The following IMMP2L variants were observed in gnomAD, a reference collection of about 807,000 sequenced individuals.
IMMP2L encodes the protein mitochondrial inner membrane protease subunit 2.
Under a neutral mutation model 19.3 loss-of-function variants are expected in IMMP2L, and 18 were observed. That is an observed-to-expected ratio of 0.93 (90% confidence interval 0.64 to 1.38). IMMP2L has a LOEUF of 1.38. Among genes scored for constraint, IMMP2L ranks in the 40% most tolerant of loss-of-function variants. The pLI, the probability that IMMP2L is intolerant of heterozygous loss-of-function variation, is 0.00. For missense variants in IMMP2L, 233 were observed against 218.2 expected (o/e 1.07, Z -0.43); for synonymous variants, 76 against 73.0 (o/e 1.04, Z -0.21).
At chr7:110,857,623 C>T (rs1337291263) in intron 5 of IMMP2L, among the ~76,000 whole-genome samples, 1 of 152,036 alleles carries the variant, frequency 6.6e-6, no homozygotes, top group East Asian at 1.9e-4. Context: ...GCTCAACAAT[C>T]TGTATTTTTA....
At chr7:110,676,255 G>A (rs1018278403) in intron 5 of IMMP2L, among the ~76,000 whole-genome samples, 5 of 152,214 alleles carry the variant, frequency 3.3e-5, no homozygotes, top group African/African-American at 1.2e-4. Context: ...AAATAGTTTA[G>A]GCTTACAGGC....
intron 5 of IMMP2L, among the ~76,000 whole-genome samples, chr7:110,836,610 G>T (rs1177136575): frequency 6.6e-6 from 1 of 152,062 alleles, no homozygotes; most frequent in East Asian, 1.9e-4. Flanking sequence ...TAAATTGCCA[G>T]TCTTGGGTAT....
At chr7:111,540,820 A>G (rs908990391) in intron 1 of IMMP2L, among the ~76,000 whole-genome samples, 4 of 151,586 alleles carry the variant, frequency 2.6e-5, no homozygotes, top group South Asian at 2.1e-4. Context: ...CCCGTTTACA[A>G]TGTTGATAGT....
chr7:110,732,926 T>C (rs983566606), intron 5 of IMMP2L, among the ~76,000 whole-genome samples: 3 of 151,972 alleles, frequency 2.0e-5, no homozygotes, highest in African/African-American at 7.2e-5. Context: ...GCTAGGACTA[T>C]AGGCACCTAC....
intron 3 of IMMP2L, among the ~76,000 whole-genome samples, chr7:111,420,190 C>T (rs1444453792): frequency 1.3e-5 from 2 of 151,738 alleles, no homozygotes; most frequent in Non-Finnish European, 2.9e-5. Flanking sequence ...TTGAAAAGTG[C>T]TTCATTATAA....
intron 3 of IMMP2L, among the ~76,000 whole-genome samples, chr7:111,285,992 A>G (rs1820439279): frequency 6.6e-6 from 1 of 152,204 alleles, no homozygotes; most frequent in Non-Finnish European, 1.5e-5. Context: ...AAGAAGGTTC[A>G]ATCAAAGCTT....
intron 5 of IMMP2L, among the ~76,000 whole-genome samples, chr7:110,776,481 G>A (rs1799396343): frequency 6.6e-6 from 1 of 151,980 alleles, no homozygotes. Context: ...CACCTGAGCA[G>A]AGCAGAAGGC....
chr7:111,402,155 ATAATAATAATAATAATAT>A (rs1031700987), intron 3 of IMMP2L, among the ~76,000 whole-genome samples: 1 of 141,750 alleles, frequency 7.1e-6, no homozygotes, highest in Non-Finnish European at 1.5e-5. Flanking sequence ...AATAATAATA[ATAATAATAATAATAATAT>A]TAAGTTAGGA....
At chr7:110,814,274 T>C (rs1291853008) in intron 5 of IMMP2L, among the ~76,000 whole-genome samples, 1 of 151,918 alleles carries the variant, frequency 6.6e-6, no homozygotes, top group Non-Finnish European at 1.5e-5. Flanking sequence ...CATTTTAAGG[T>C]AGCAAAATCA....
At chr7:111,238,191 G>A (rs2129627882) in intron 3 of IMMP2L, among the ~76,000 whole-genome samples, 1 of 152,108 alleles carries the variant, frequency 6.6e-6, no homozygotes, top group African/African-American at 2.4e-5. Context: ...TAAAGTTGGA[G>A]TAATCAGAAA....
intron 4 of IMMP2L, among the ~76,000 whole-genome samples, chr7:110,894,501 G>A (rs371428638): frequency 4.6e-5 from 7 of 152,124 alleles, no homozygotes; most frequent in African/African-American, 1.4e-4. Context: ...CATGTTATCT[G>A]TCATTTGCAC....
chr7:110,951,269 T>A (rs1817808439), intron 4 of IMMP2L, among the ~76,000 whole-genome samples: 1 of 150,828 alleles, frequency 6.6e-6, no homozygotes, highest in Admixed American at 6.6e-5. Context: ...AGATCTCATA[T>A]AAAGTATTGA....
At chr7:110,891,780 T>A (rs1452743891) in intron 4 of IMMP2L, among the ~76,000 whole-genome samples, 1 of 151,800 alleles carries the variant, frequency 6.6e-6, no homozygotes, top group African/African-American at 2.4e-5. Flanking sequence ...TTACCATGAG[T>A]TAAAGAAAGA....
At position 110,877,159 on chromosome 7, in the gene IMMP2L, G is replaced by C. The variant is rs910531329; in HGVS notation, c.408+9434C>G. Reference sequence around the variant, plus strand: ...CTTCTTTTATACAGAAATAGGAATGGGCCAGATTTGGTTCAAGGGCCATAT... The same window carrying C: ...CTTCTTTTATACAGAAATAGGAATGCGCCAGATTTGGTTCAAGGGCCATAT... On this transcript the variant is annotated intron_variant, in intron 5 of 5. Coordinates refer to ENST00000405709, the MANE Select transcript of IMMP2L (RefSeq NM_032549.4). This position sits in a 1 kb window ranked among gnomAD's most constrained non-coding sequence, Gnocchi z 4.0. 3.9e-5 allele frequency among the ~76,000 whole-genome samples: 6 copies of C among 152,120 alleles called. No individual in the cohort carries two copies. Among genetic ancestry groups the C allele is most frequent in the Admixed American group, 3.3e-4 (5 of 15,258 alleles).
chr7:111,495,845 T>G (rs998674500), intron 2 of IMMP2L, among the ~76,000 whole-genome samples: 5 of 152,130 alleles, frequency 3.3e-5, no homozygotes, highest in Admixed American at 6.6e-5. Flanking sequence ...TTCAACCTTT[T>G]CAGGCTTATA....
At chr7:110,819,912 A>G (rs1441235003) in intron 5 of IMMP2L, among the ~76,000 whole-genome samples, 1 of 151,986 alleles carries the variant, frequency 6.6e-6, no homozygotes, top group Non-Finnish European at 1.5e-5. Context: ...TAATTTCTCT[A>G]TATCTTTTAA....
intron 5 of IMMP2L, among the ~76,000 whole-genome samples, chr7:110,882,749 T>G (rs1809819608): frequency 6.6e-6 from 1 of 151,578 alleles, no homozygotes; most frequent in African/African-American, 2.4e-5. Flanking sequence ...TCTACTGTTT[T>G]TTTTTGTTTT....
At chr7:111,399,545 G>C (rs1279503365) in intron 3 of IMMP2L, among the ~76,000 whole-genome samples, 1 of 151,850 alleles carries the variant, frequency 6.6e-6, no homozygotes, top group African/African-American at 2.4e-5. Context: ...ATTAGAGACA[G>C]GGTTTCATCA....
chr7:111,388,572 G>A (rs565427065), intron 3 of IMMP2L, among the ~76,000 whole-genome samples: 1 of 151,970 alleles, frequency 6.6e-6, no homozygotes. Context: ...CCAAAACTGG[G>A]AACAAACAGA....
Sources: gnomAD v4.1 joint callset for allele counts (sites outside exome capture counted in the v4.1 genomes callset) on GRCh38, gnomAD v4.1.1 for gene constraint, Gnocchi (gnomAD v3.1) non-coding constraint, MANE v1.5 for transcripts, NCBI Gene and HGNC (gene_info 2026-07-23, HGNC 2026-07-21) for gene names.